The following CADPS variants were observed in gnomAD, a reference collection of about 807,000 sequenced individuals.
CADPS encodes calcium-dependent secretion activator 1.
A neutral mutation model predicts 167.3 loss-of-function variants in CADPS; 57 were observed. That is an observed-to-expected ratio of 0.34 (90% CI 0.28 to 0.42). The LOEUF is 0.42. Among genes scored for constraint, CADPS ranks in the 20% least tolerant of loss-of-function variants. The pLI, the probability that CADPS is intolerant of heterozygous loss-of-function variation, is 1.00. For missense variants in CADPS, 1,414 were observed against 1,738.1 expected (o/e 0.81, Z 3.32); for synonymous variants, 676 against 635.3 (o/e 1.06, Z -0.96).
intron 1 of CADPS, among the ~76,000 whole-genome samples, chr3:62,857,397 T>C (rs1353372192): frequency 6.6e-6 from 1 of 151,998 alleles, no homozygotes; most frequent in Non-Finnish European, 1.5e-5. Context: ...TAAAGACACA[T>C]ATATTTGAAG....
intron 7 of CADPS, among the ~76,000 whole-genome samples, chr3:62,585,600 T>C (rs1004219616): frequency 1.3e-5 from 2 of 152,234 alleles, no homozygotes. Context: ...AAACCCAGAA[T>C]GGAGAATATT....
chr3:62,468,459 A>T (rs1444947627), intron 24 of CADPS, among the ~76,000 whole-genome samples: 1 of 152,300 alleles, frequency 6.6e-6, no homozygotes, highest in East Asian at 1.9e-4. Flanking sequence ...GCAAATAGAG[A>T]CTAGAGTAAT....
At chr3:62,785,683 C>T (rs535451077) in intron 1 of CADPS, among the ~76,000 whole-genome samples, 2 of 152,302 alleles carry the variant, frequency 1.3e-5, no homozygotes, top group South Asian at 2.1e-4. Context: ...GCTTATTTCT[C>T]ACTGGCCATA....
chr3:62,796,924 C>A (rs748806376), intron 1 of CADPS, among the ~76,000 whole-genome samples: 1 of 152,156 alleles, frequency 6.6e-6, no homozygotes, highest in Non-Finnish European at 1.5e-5. Flanking sequence ...TTAGTAATCA[C>A]CTACTAATTA....
At chr3:62,749,710 G>C (rs527988125) in intron 3 of CADPS, among the ~76,000 whole-genome samples, 69 of 152,302 alleles carry the variant, frequency 4.5e-4, no homozygotes, top group Non-Finnish European at 2.5e-4. Context: ...TTTGCTGCCT[G>C]TCTACATACA....
chr3:62,859,822 G>A (rs2080436179), intron 1 of CADPS, among the ~76,000 whole-genome samples: 1 of 152,134 alleles, frequency 6.6e-6, no homozygotes, highest in South Asian at 2.1e-4. Context: ...ATATTCTTCA[G>A]AAAATAAAGC....
At chr3:62,439,849 C>A (rs1477084112) in intron 27 of CADPS, 1 of 152,132 alleles carries the variant, frequency 6.6e-6, no homozygotes, top group African/African-American at 2.4e-5. Context: ...TACAATGATG[C>A]GTATTTGCAC....
intron 10 of CADPS, among the ~76,000 whole-genome samples, chr3:62,555,031 G>A (rs1475707143): frequency 6.6e-6 from 1 of 152,166 alleles, no homozygotes; most frequent in Non-Finnish European, 1.5e-5. Context: ...GGGATTACAG[G>A]CGTGAGGCAC....
intron 1 of CADPS, among the ~76,000 whole-genome samples, chr3:62,865,936 A>G (rs1026953668): frequency 6.6e-6 from 1 of 152,160 alleles, no homozygotes; most frequent in Non-Finnish European, 1.5e-5. Flanking sequence ...GTTCTGTGAT[A>G]CAACTTTGGC....
intron 6 of CADPS, among the ~76,000 whole-genome samples, chr3:62,620,293 G>A (rs541496845): frequency 6.6e-6 from 1 of 152,198 alleles, no homozygotes; most frequent in South Asian, 2.1e-4. Flanking sequence ...TTGGTGCTGT[G>A]CTAAGTGCTT....
At chr3:62,638,022 G>A (rs2066644558) in intron 6 of CADPS, among the ~76,000 whole-genome samples, 2 of 150,888 alleles carry the variant, frequency 1.3e-5, no homozygotes, top group South Asian at 4.2e-4. Flanking sequence ...CAAGAATAAA[G>A]CCATGATTAC....
chr3:62,686,879 G>C (rs759360085), intron 3 of CADPS, among the ~76,000 whole-genome samples: 2 of 152,066 alleles, frequency 1.3e-5, no homozygotes, highest in Non-Finnish European at 2.9e-5. Context: ...TGTATTTTAA[G>C]CCATCAGGGA....
chr3:62,527,106 A>G (rs910808232), intron 13 of CADPS, among the ~76,000 whole-genome samples: 7 of 152,180 alleles, frequency 4.6e-5, no homozygotes, highest in African/African-American at 1.4e-4. Context: ...AAATCCCCAC[A>G]TGATTTATGT....
intron 10 of CADPS, among the ~76,000 whole-genome samples, chr3:62,551,879 C>A (rs1222420122): frequency 2.0e-5 from 3 of 152,108 alleles, no homozygotes; most frequent in Non-Finnish European, 2.9e-5. Flanking sequence ...CCTGTTGAGA[C>A]CTTCCCTGAC....
At chr3:62,567,854 C>G (rs1274760263) in intron 9 of CADPS, among the ~76,000 whole-genome samples, 1 of 152,070 alleles carries the variant, frequency 6.6e-6, no homozygotes, top group Non-Finnish European at 1.5e-5. Context: ...GGATTACAGG[C>G]GTCAGCCACT....
rs1483868474 is a variant in CADPS at position 62,458,023 on chromosome 3, A to G, written c.3636+7344T>C. 6.6e-6 allele frequency among the ~76,000 whole-genome samples: 1 copy of G among 152,220 alleles called. No homozygotes were observed. The highest frequency in any genetic ancestry group is 6.5e-5 in the Admixed American group (1 of 15,282). Reference sequence around the variant, plus strand: ...TGCAGCAAACCACCATGGCACATGTATACCTATGTAACAAACCCGCACATT... The same window carrying G: ...TGCAGCAAACCACCATGGCACATGTGTACCTATGTAACAAACCCGCACATT... On this transcript the variant is annotated intron_variant, in intron 26 of 29. Coordinates refer to ENST00000383710, the MANE Select transcript of CADPS (RefSeq NM_003716.4). This position sits in a 1 kb window ranked among gnomAD's most constrained non-coding sequence, Gnocchi z 4.6.
chr3:62,645,728 T>G lies in CADPS; in HGVS notation c.1319A>C (p.Lys440Thr). The change falls in exon 6 of 30, where the codon AAA (lysine) becomes ACA (threonine). Residue 440 changes from lysine to threonine, a missense_variant. By Grantham distance (78) the Lys-to-Thr change is moderately conservative. Coordinates refer to ENST00000383710, the MANE Select transcript of CADPS (RefSeq NM_003716.4). Reference sequence around the variant, plus strand: ...CTGGAGAAACATAACTTACGTTGGTTTAGAAGCCTCGGCCTGATCAGTCTG... The same window carrying G: ...CTGGAGAAACATAACTTACGTTGGTGTAGAAGCCTCGGCCTGATCAGTCTG... ...KLQTDQAEAS[K>T]PTWGTQGDFS... 3 of 1,614,080 alleles carry G rather than the reference T, an allele frequency of 1.9e-6. No homozygotes were observed. Among genetic ancestry groups the G allele is most frequent in the Non-Finnish European group, 2.5e-6 (3 of 1,179,966 alleles).
chr3:62,500,852 A>G (rs1309012125), intron 17 of CADPS, among the ~76,000 whole-genome samples: 4 of 152,218 alleles, frequency 2.6e-5, no homozygotes, highest in Non-Finnish European at 5.9e-5. Context: ...TTCTTACGTA[A>G]TGAACATATC....
chr3:62,642,506 T>C (rs1190788274), intron 6 of CADPS, among the ~76,000 whole-genome samples: 1 of 151,842 alleles, frequency 6.6e-6, no homozygotes, highest in Non-Finnish European at 1.5e-5. Context: ...GGAGAAGAAA[T>C]AAAGCTTCAA....
Sources: allele counts gnomAD v4.1 joint callset (sites outside exome capture counted in the v4.1 genomes callset), GRCh38; gene constraint gnomAD v4.1.1; non-coding constraint Gnocchi (gnomAD v3.1); transcripts MANE v1.5; gene names NCBI Gene and HGNC (gene_info 2026-07-23, HGNC 2026-07-21).